ATAD2: variants seen among roughly 807,000 people sequenced by gnomAD.
ATAD2 encodes the protein ATPase family AAA domain-containing protein 2.
Under a neutral mutation model 168.9 loss-of-function variants are expected in ATAD2, and 62 were observed. That is an observed-to-expected ratio of 0.37 (90% confidence interval 0.30 to 0.45). ATAD2 has a LOEUF of 0.45. Among genes scored for constraint, ATAD2 ranks in the 20% least tolerant of loss-of-function variants. The pLI is 1.00. For missense variants in ATAD2, 1,419 were observed against 1,667.8 expected, an observed-to-expected ratio of 0.85 and a Z score of 2.60; for synonymous variants, 613 against 571.6, an observed-to-expected ratio of 1.07 and a Z score of -1.03.
chr8:123,334,068 A>G, intron 23 of ATAD2, 47 bp from the exon 24 acceptor site: 3 of 1,584,184 alleles, frequency 1.9e-6, no homozygotes, highest in Non-Finnish European at 2.6e-6. Context: ...CAGATTTCAA[A>G]ATTACATGAA....
In ATAD2 at chr8:123,357,562, C is replaced by T; in HGVS notation, c.1557G>A (p.Gln519=). Residue 519 remains glutamine (Q), a splice_region_variant and synonymous_variant, in exon 12 of 28, where the codon CAG becomes CAA. Coordinates refer to ENST00000287394, the MANE Select transcript of ATAD2 (RefSeq NM_014109.4). ...GATATATAAAATGTTAATATCATAC[C>T]TGATCAAACAGCAATCGTAGCTGTC... ...SERQLRLLFD[Q]AYQMRPSIIF... is the part of the protein sequence containing the mutation. The T allele has an allele frequency of 6.2e-7, 1 of 1,611,594 alleles. No individual in the cohort carries two copies. The highest frequency in any genetic ancestry group is 8.5e-7 in the Non-Finnish European group (1 of 1,179,038).
At chr8:123,388,559 G>C (rs887827466) in intron 1 of ATAD2, among the ~76,000 whole-genome samples, 3 of 151,834 alleles carry the variant, frequency 2.0e-5, no homozygotes, top group African/African-American at 7.3e-5. Context: ...CACCTAGCTG[G>C]TTTTTGTAGA....
chr8:123,353,078 A>G lies in ATAD2; in HGVS notation c.1646+3311T>C, dbSNP rs1433270221. On this transcript the variant is annotated intron_variant, in intron 13 of 27. Transcript: ENST00000287394. Reference sequence around the variant, plus strand: ...TAAGATTCTGTCTCAAAAAACAAAAACAAGGCCTTGTGTGGTGGGTCACGC... The same window carrying G: ...TAAGATTCTGTCTCAAAAAACAAAAGCAAGGCCTTGTGTGGTGGGTCACGC... Among the ~76,000 whole-genome samples the G allele has an allele frequency of 2.8e-5, 4 of 141,496 alleles. No individual in the cohort carries two copies. The Admixed American group carries it at 2.8e-4, about 10-fold the overall frequency. The allele number at this position is 141,496 out of a possible 152,430, so 92.8% of individuals were successfully genotyped here. A position where few individuals can be genotyped will look rare whatever the true frequency, so the allele number is the denominator to read the frequency against.
intron 20 of ATAD2, 141 bp from the exon 21 acceptor site, chr8:123,337,962 AT>A: frequency 1.2e-6 from 1 of 802,622 alleles, no homozygotes; most frequent in Non-Finnish European, 1.9e-6. Context: ...ATACAAAAGT[AT>A]TACCATAATC....
chr8:123,345,998 A>G, intron 18 of ATAD2, 88 bp downstream of exon 18: 5 of 1,114,124 alleles, frequency 4.5e-6, no homozygotes, highest in Non-Finnish European at 6.1e-6. Context: ...TCAGAAAGAC[A>G]AAAAAACACA....
At chr8:123,360,622 C>T (rs922998113) in intron 9 of ATAD2, among the ~76,000 whole-genome samples, 2 of 152,036 alleles carry the variant, frequency 1.3e-5, no homozygotes, top group Non-Finnish European at 2.9e-5. Flanking sequence ...TGGCTCATGC[C>T]GGTAATCCCA....
intron 1 of ATAD2, among the ~76,000 whole-genome samples, chr8:123,413,988 C>CA (rs2130060235): frequency 7.1e-6 from 1 of 140,934 alleles, no homozygotes; most frequent in Non-Finnish European, 1.5e-5. Flanking sequence ...CTCACCTCCA[C>CA]AAGAAAATAC....
At chr8:123,411,704 C>T (rs1283779059) in intron 1 of ATAD2, among the ~76,000 whole-genome samples, 1 of 152,102 alleles carries the variant, frequency 6.6e-6, no homozygotes, top group African/African-American at 2.4e-5. Context: ...CTTTGGGTCC[C>T]CTCCCTTTGT....
At chr8:123,371,451 A>T (rs1426079327) in intron 4 of ATAD2, 113 bp from the exon 5 acceptor site, 14 of 890,914 alleles carry the variant, frequency 1.6e-5, no homozygotes, top group Non-Finnish European at 2.3e-5. Flanking sequence ...AAATATTTTT[A>T]TAAGAAGCAT....
intron 1 of ATAD2, among the ~76,000 whole-genome samples, chr8:123,390,811 C>T (rs1455219798): frequency 6.6e-6 from 1 of 152,168 alleles, no homozygotes; most frequent in Non-Finnish European, 1.5e-5. Context: ...GCAGGTGGAT[C>T]ACCTGAGGTC....
intron 13 of ATAD2, 145 bp downstream of exon 13, chr8:123,356,244 T>C (rs1256164393): frequency 4.0e-6 from 2 of 496,428 alleles, no homozygotes; most frequent in Non-Finnish European, 6.8e-6. Context: ...TTTTTATTTT[T>C]GTACTATATA....
chr8:123,396,401 C>T lies in ATAD2; in HGVS notation c.-44G>A. The T allele has an allele frequency of 1.3e-6, 2 of 1,505,144 alleles. No homozygotes were observed. The highest frequency in any genetic ancestry group is 1.8e-6 in the Non-Finnish European group (2 of 1,129,530). 93.2% of individuals were successfully genotyped at this position (1,505,144 alleles called of 1,614,324 possible). A position where few individuals can be genotyped will look rare whatever the true frequency, so the allele number is the denominator to read the frequency against. ...TCGGCGTGCGCGACCGGAGAGAGATCCAGCTCCAGGCGCTCGCAGCTCTGG... is the reference window on the plus strand; with the variant it reads ...TCGGCGTGCGCGACCGGAGAGAGATTCAGCTCCAGGCGCTCGCAGCTCTGG... On this transcript the variant is annotated 5_prime_UTR_variant, in exon 1 of 28. Coordinates refer to ENST00000287394, the MANE Select transcript of ATAD2 (RefSeq NM_014109.4).
In ATAD2 at chr8:123,392,567, C is replaced by T. The variant is rs552033751; in HGVS notation, c.171+3620G>A. Among the ~76,000 whole-genome samples the T allele has an allele frequency of 2.6e-5, 4 of 151,282 alleles. No homozygotes were observed. The East Asian group carries it at 7.7e-4, about 29-fold the overall frequency. ...TTATTTATTTGTACAATTTCTGGAC[C>T]ACACTAAAGTACTATAATTCCTGAG... On this transcript the variant is annotated intron_variant, in intron 1 of 27. Transcript: ENST00000287394.
chr8:123,343,453 G>A (rs975001305), intron 19 of ATAD2, among the ~76,000 whole-genome samples: 2 of 152,114 alleles, frequency 1.3e-5, no homozygotes, highest in African/African-American at 4.8e-5. Context: ...AAGGATACAC[G>A]TTTTTGTGTA....
chr8:123,371,182 T>TA lies in ATAD2; in HGVS notation c.639+53dup, dbSNP rs1283131300. ...TTAATGAAAAATGGATTAGGTACTA[T>TA]AAAAAAATTAAACTGGATATTAAAT... On this transcript the variant is annotated intron_variant, in intron 5 of 27. Transcript: ENST00000287394. The TA allele has an allele frequency of 5.0e-6, 7 of 1,406,564 alleles. No homozygotes were observed. The African/African-American group carries it at 8.7e-5, about 17-fold the overall frequency. 87.1% of individuals were successfully genotyped at this position (1,406,564 alleles called of 1,614,324 possible). A position where few individuals can be genotyped will look rare whatever the true frequency, so the allele number is the denominator to read the frequency against.
chr8:123,353,026 T>TA lies in ATAD2; in HGVS notation c.1646+3362dup, dbSNP rs954971199. Among the ~76,000 whole-genome samples, 24 of 151,730 alleles carry TA rather than the reference T, an allele frequency of 1.6e-4. 1 individual carries two copies. Among genetic ancestry groups the TA allele is most frequent in the Non-Finnish European group, 4.4e-5 (3 of 67,966 alleles). ...AGGCTGCAGTGAGTTGTGATCATGC[T>TA]ACTGCACTCCAGCCTGGGTAACAGA... is the stretch of plus-strand genomic sequence containing the variant. On this transcript the variant is annotated intron_variant, in intron 13 of 27. Transcript: ENST00000287394.
At chr8:123,366,821 CA>C (rs1368299955) in intron 8 of ATAD2, among the ~76,000 whole-genome samples, 1 of 151,612 alleles carries the variant, frequency 6.6e-6, no homozygotes, top group African/African-American at 2.4e-5. Flanking sequence ...CAAAATCTCA[CA>C]AATCACTACT....
rs1699264853 is a variant in ATAD2, at chr8:123,402,174, C to T, written c.-2281-999G>A. On this transcript the variant is annotated intron_variant, in intron 1 of 28. Transcript: ENST00000521903. This position sits in a 1 kb window ranked among gnomAD's most constrained non-coding sequence, Gnocchi z 4.8. ...GTGTCCACCTTCGGGCATAGCCTCC[C>T]TCCATCACTGAGTGGTCCACAGATT... is the stretch of plus-strand genomic sequence containing the variant. 1.5e-6 allele frequency: 1 copy of T among 675,318 alleles called. No individual in the cohort carries two copies. Among genetic ancestry groups the T allele is most frequent in the Admixed American group, 2.1e-5 (1 of 48,096 alleles). The allele number at this position is 675,318 out of a possible 1,614,324, so 41.8% of individuals were successfully genotyped here. A position where few individuals can be genotyped will look rare whatever the true frequency, so the allele number is the denominator to read the frequency against.
chr8:123,361,475 G>GT, intron 9 of ATAD2, 64 bp downstream of exon 9: 1 of 1,372,756 alleles, frequency 7.3e-7, no homozygotes, highest in South Asian at 1.2e-5. Flanking sequence ...AAATTATTCT[G>GT]TTTTCTTAGC....
Sources: allele counts gnomAD v4.1 joint callset (sites outside exome capture counted in the v4.1 genomes callset), GRCh38; gene constraint gnomAD v4.1.1; non-coding constraint Gnocchi (gnomAD v3.1); transcripts MANE v1.5; gene names NCBI Gene and HGNC (gene_info 2026-07-23, HGNC 2026-07-21).